The following DENND4C variants were observed in gnomAD, a reference collection of about 807,000 sequenced individuals.
The protein encoded by DENND4C is DENN domain-containing protein 4C.
In DENND4C, 108 loss-of-function variants were observed where a neutral mutation model predicts 203.0. The observed-to-expected ratio is 0.53, with a 90% CI of 0.46 to 0.62. The LOEUF (loss-of-function observed/expected upper bound fraction) is 0.62, where lower values mean the gene tolerates loss of function less well. Among genes scored for constraint, DENND4C ranks in the 20% least tolerant of loss-of-function variants. DENND4C has a pLI of 0.00. For missense variants in DENND4C, 2,481 were observed against 2,301.2 expected (o/e 1.08, Z -1.60); for synonymous variants, 871 against 792.4 (o/e 1.10, Z -1.67).
At chr9:19,301,101 C>A (rs1342128411) in intron 9 of DENND4C, among the ~76,000 whole-genome samples, 2 of 151,892 alleles carry the variant, frequency 1.3e-5, no homozygotes, top group Non-Finnish European at 2.9e-5. Flanking sequence ...TTGCTTGAAC[C>A]CAGGAGGCGG....
chr9:19,263,954 C>T (rs561946730), intron 1 of DENND4C, among the ~76,000 whole-genome samples: 1 of 152,274 alleles, frequency 6.6e-6, no homozygotes, highest in African/African-American at 2.4e-5. Context: ...GCCACTGCGC[C>T]TGGCCAATTT....
intron 1 of DENND4C, among the ~76,000 whole-genome samples, chr9:19,232,280 T>C (rs546034998): frequency 2.6e-4 from 40 of 152,184 alleles, no homozygotes; most frequent in African/African-American, 9.6e-4. Context: ...TTTTCAGTAG[T>C]GGCAAAGGGT....
intron 1 of DENND4C, among the ~76,000 whole-genome samples, chr9:19,236,498 C>T (rs1045202704): frequency 1.3e-5 from 2 of 152,112 alleles, no homozygotes; most frequent in African/African-American, 4.8e-5. Flanking sequence ...CATGAAGGGT[C>T]TTACAGTCAA....
chr9:19,244,998 C>T (rs1323820502), intron 1 of DENND4C, among the ~76,000 whole-genome samples: 4 of 152,190 alleles, frequency 2.6e-5, no homozygotes, highest in African/African-American at 9.7e-5. Flanking sequence ...AGAAGTTCTT[C>T]AGTTTGCAGA....
chr9:19,273,801 A>G (rs1483921885), intron 1 of DENND4C, among the ~76,000 whole-genome samples: 1 of 151,808 alleles, frequency 6.6e-6, no homozygotes, highest in African/African-American at 2.4e-5. Context: ...AACAATTGGA[A>G]CTCTCAAAGC....
chr9:19,274,548 G>A (rs971374201), intron 1 of DENND4C, among the ~76,000 whole-genome samples: 3 of 152,192 alleles, frequency 2.0e-5, no homozygotes, highest in Non-Finnish European at 4.4e-5. Flanking sequence ...ACCCTCCTCG[G>A]CCTTCCAAAG....
intron 1 of DENND4C, among the ~76,000 whole-genome samples, chr9:19,245,554 C>T (rs985364500): frequency 7.0e-6 from 1 of 143,824 alleles, no homozygotes; most frequent in Non-Finnish European, 1.5e-5. Flanking sequence ...TGATCTGTAA[C>T]TTAAAAAATT....
At chr9:19,351,990 T>TC (rs1824250554) in intron 24 of DENND4C, 83 bp from the exon 25 acceptor site, 6 of 1,070,722 alleles carry the variant, frequency 5.6e-6, no homozygotes, top group South Asian at 1.4e-5. Context: ...TTATTCTGTG[T>TC]CCCCCCTAAA....
chr9:19,345,113 A>G (rs1023203690), intron 22 of DENND4C, among the ~76,000 whole-genome samples: 5 of 152,252 alleles, frequency 3.3e-5, no homozygotes, highest in Non-Finnish European at 1.5e-5. Flanking sequence ...CATTCAGTCC[A>G]TAACAGGTAG....
intron 15 of DENND4C, among the ~76,000 whole-genome samples, chr9:19,327,021 A>G (rs1037264319): frequency 1.6e-4 from 17 of 109,274 alleles, no homozygotes; most frequent in Admixed American, 1.1e-3. Flanking sequence ...TAAAGTAAGT[A>G]CATCCCAAAA....
intron 1 of DENND4C, among the ~76,000 whole-genome samples, chr9:19,243,890 C>T (rs1824412268): frequency 1.3e-5 from 2 of 152,186 alleles, no homozygotes; most frequent in African/African-American, 4.8e-5. Flanking sequence ...TCGCTCACTG[C>T]AGCCTCGACC....
At chr9:19,259,608 G>T (rs1241986275) in intron 1 of DENND4C, among the ~76,000 whole-genome samples, 1 of 150,836 alleles carries the variant, frequency 6.6e-6, no homozygotes, top group African/African-American at 2.4e-5. Context: ...AGGTTCAAGC[G>T]ATTTCTCCTG....
intron 26 of DENND4C, 132 bp downstream of exon 26, chr9:19,352,797 G>T: frequency 1.8e-6 from 1 of 569,454 alleles, no homozygotes; most frequent in Non-Finnish European, 2.9e-6. Flanking sequence ...TATTTGAGTA[G>T]CAAATACTAG....
rs371573271 is a variant in DENND4C, at chr9:19,273,470, A to G, written c.-17-2688A>G. Among the ~76,000 whole-genome samples, 15 of 151,734 alleles carry G rather than the reference A, an allele frequency of 9.9e-5. No homozygotes were observed. In the South Asian group the frequency reaches 2.5e-3, roughly 25 times the overall value. On this transcript the variant is annotated intron_variant, in intron 1 of 32. Coordinates refer to ENST00000434457, the MANE Select transcript of DENND4C (RefSeq NM_001330640.2). ...AGTTCATCAAAAACCTCTGTTTTTC[A>G]TAAGACCCTGTAAGAGAATAAAAAC... is the stretch of plus-strand genomic sequence containing the variant.
chr9:19,370,593 CCACTTATT>C (rs1828623952), intron 31 of DENND4C, among the ~76,000 whole-genome samples: 1 of 152,166 alleles, frequency 6.6e-6, no homozygotes, highest in African/African-American at 2.4e-5. Context: ...AACTTACGTA[CCACTTATT>C]CAGGGCCTGT....
At chr9:19,326,000 T>C (rs1563805542) in intron 14 of DENND4C, 26 bp downstream of exon 14, 2 of 1,608,722 alleles carry the variant, frequency 1.2e-6, no homozygotes, top group Admixed American at 1.7e-5. Context: ...ATTTTAAGGG[T>C]TGAAATTTCA....
intron 1 of DENND4C, among the ~76,000 whole-genome samples, chr9:19,272,377 G>A (rs1225408597): frequency 5.3e-5 from 8 of 151,674 alleles, no homozygotes; most frequent in Middle Eastern, 3.4e-3. Flanking sequence ...CCGAGATTGC[G>A]CCATTGCACT....
intron 2 of DENND4C, among the ~76,000 whole-genome samples, chr9:19,280,126 C>G (rs1055035726): frequency 3.1e-5 from 4 of 129,312 alleles, no homozygotes; most frequent in Non-Finnish European, 6.5e-5. Context: ...TCCTGCCTTC[C>G]TGCCTACCTG....
rs35202603 is a variant in DENND4C at position 19,240,672 on chromosome 9, CAA to C, written c.-18+9850_-18+9851del. 1.1e-3 allele frequency among the ~76,000 whole-genome samples: 155 copies of C among 143,628 alleles called. 1 individual carries two copies. In the South Asian group the frequency reaches 0.013, roughly 12 times the overall value. The allele number at this position is 143,628 out of a possible 152,430, so 94.2% of individuals were successfully genotyped here. On this transcript the variant is annotated intron_variant, in intron 1 of 32. Transcript: ENST00000434457. Reference sequence around the variant, plus strand: ...CAGAGTGAGATTTCATCTCAAAAAACAAAAAAAAAAAAGGCCAGGCATGGTTG... The same window carrying C: ...CAGAGTGAGATTTCATCTCAAAAAACAAAAAAAAAAGGCCAGGCATGGTTG...
Sources: allele counts gnomAD v4.1 joint callset (sites outside exome capture counted in the v4.1 genomes callset), GRCh38; gene constraint gnomAD v4.1.1; transcripts MANE v1.5; gene names NCBI Gene and HGNC (gene_info 2026-07-23, HGNC 2026-07-21).